Variants in ERGIC3 observed in about 807,000 individuals in gnomAD.
ERGIC3 encodes the protein ERGIC and golgi 3.
Under a neutral mutation model 54.7 loss-of-function variants are expected in ERGIC3, and 33 were observed. The ratio of observed to expected loss-of-function variants is 0.60; its 90% CI spans 0.46 to 0.81. ERGIC3 has a LOEUF of 0.81. Among genes scored for constraint, ERGIC3 ranks in the 30% least tolerant of loss-of-function variants. ERGIC3 has a pLI of 0.00. For missense variants in ERGIC3, 399 were observed against 488.4 expected, an observed-to-expected ratio of 0.82 and a Z score of 1.73; for synonymous variants, 186 against 189.8, an observed-to-expected ratio of 0.98 and a Z score of 0.16.
At chr20:35,542,300 G>C (rs1157380385) in intron 1 of ERGIC3, 23 bp from the exon 2 acceptor site, 2 of 1,613,890 alleles carry the variant, frequency 1.2e-6, no homozygotes, top group African/African-American at 2.7e-5. Flanking sequence ...AGGCCATTCT[G>C]ACCCTCGCCC....
At chr20:35,556,892 G>A (rs1241409430) in intron 10 of ERGIC3, 81 bp from the exon 11 acceptor site, 1 of 1,588,930 alleles carries the variant, frequency 6.3e-7, no homozygotes. Flanking sequence ...ACAGGAAAGG[G>A]GAAGGAGCAG....
chr20:35,553,974 C>G (rs2064697545), intron 7 of ERGIC3, among the ~76,000 whole-genome samples: 1 of 152,176 alleles, frequency 6.6e-6, no homozygotes, highest in Non-Finnish European at 1.5e-5. Context: ...TTTCTAACAT[C>G]CTTGTTGATT....
intron 7 of ERGIC3, 106 bp downstream of exon 7, chr20:35,548,971 G>A: frequency 7.5e-7 from 1 of 1,324,676 alleles, no homozygotes; most frequent in South Asian, 1.2e-5. Context: ...GCAACCATTT[G>A]GCCAGAGCAG....
chr20:35,553,028 T>TTTTTTTTTTG (rs2064690121), intron 7 of ERGIC3, among the ~76,000 whole-genome samples: 1 of 109,816 alleles, frequency 9.1e-6, no homozygotes, highest in Non-Finnish European at 1.8e-5. Flanking sequence ...GGATTTTTTT[T>TTTTTTTTTTG]TTTTTTTTTT....
At chr20:35,554,048 C>A (rs1450460669) in intron 7 of ERGIC3, among the ~76,000 whole-genome samples, 1 of 152,156 alleles carries the variant, frequency 6.6e-6, no homozygotes, top group Non-Finnish European at 1.5e-5. Flanking sequence ...CATCTTAGAT[C>A]CCACGTGATC....
At chr20:35,554,910 C>T in intron 7 of ERGIC3, 134 bp from the exon 8 acceptor site, 2 of 1,081,106 alleles carry the variant, frequency 1.8e-6, no homozygotes, top group Non-Finnish European at 2.9e-6. Flanking sequence ...TAAGCAGGAC[C>T]AGGAGGTGCC....
chr20:35,557,217 G>C lies in ERGIC3; in HGVS notation c.1040G>C (p.Gly347Ala). 1 of 1,614,192 alleles carries C rather than the reference G, an allele frequency of 6.2e-7. No individual in the cohort carries two copies. Among genetic ancestry groups the C allele is most frequent in the Non-Finnish European group, 8.5e-7 (1 of 1,180,032 alleles). ...KHRSFTHFLT[G>A]VCAIIGGMFT... ...AGGTCCTTCACCCACTTCCTGACAG[G>C]TGTGTGCGCCATCATTGGGGGCATG... The change falls in exon 12 of 13, where the codon GGT becomes GCT. Residue 347 changes from glycine to alanine, a missense_variant. Gly to Ala is a moderately conservative substitution (Grantham distance 60, BLOSUM62 0). Transcript: ENST00000348547.
chr20:35,556,039 A>G lies in ERGIC3; in HGVS notation c.724A>G (p.Met242Val), dbSNP rs764180647. 3.1e-6 allele frequency: 5 copies of G among 1,613,930 alleles called. No individual in the cohort carries two copies. In the South Asian group the frequency reaches 4.4e-5, roughly 14 times the overall value. ...LQSFGLDNIN[M>V]THYIQHLSFG... ...TGGATGGTGTTGTTTACAGATCAACATGACCCACTACATCCAGCACCTGTC... is the reference window on the plus strand; with the variant it reads ...TGGATGGTGTTGTTTACAGATCAACGTGACCCACTACATCCAGCACCTGTC... The change falls in exon 9 of 13, where the codon ATG becomes GTG. Residue 242 changes from methionine (M) to valine (V), a missense_variant. Transcript: ENST00000348547.
chr20:35,554,031 A>G (rs902684706), intron 7 of ERGIC3, among the ~76,000 whole-genome samples: 1 of 152,210 alleles, frequency 6.6e-6, no homozygotes, highest in African/African-American at 2.4e-5. Context: ...GTTTACAAGT[A>G]TTTTTCCATC....
chr20:35,553,581 G>A (rs984049387), intron 7 of ERGIC3, among the ~76,000 whole-genome samples: 1 of 151,672 alleles, frequency 6.6e-6, no homozygotes, highest in Non-Finnish European at 1.5e-5. Context: ...CAAAATGGTT[G>A]AAGTGAACAG....
intron 4 of ERGIC3, 191 bp downstream of exon 4, chr20:35,543,132 C>T: frequency 1.6e-6 from 1 of 636,738 alleles, no homozygotes; most frequent in Non-Finnish European, 2.6e-6. Context: ...CATATCGAGT[C>T]AGGTAATCTA....
chr20:35,556,330 GCATTTCGTTCCGT>G (rs1197975641), intron 10 of ERGIC3, 59 bp downstream of exon 10: 2 of 1,578,036 alleles, frequency 1.3e-6, no homozygotes, highest in Non-Finnish European at 1.7e-6. Context: ...TGGAGTTCCT[GCATTTCGTTCCGT>G]CAGCCTGGGG....
intron 9 of ERGIC3, 23 bp from the exon 10 acceptor site, chr20:35,556,184 C>G: frequency 6.2e-7 from 1 of 1,614,148 alleles, no homozygotes; most frequent in Non-Finnish European, 8.5e-7. Flanking sequence ...GCACCCATAC[C>G]CAGTGCTTTG....
Position 35,556,063 on chromosome 20 carries a change from T to C in ERGIC3, c.748T>C (p.Ser250Pro), listed in dbSNP as rs1418042860. 1 of 1,613,982 alleles carries C rather than the reference T, an allele frequency of 6.2e-7. No homozygotes were observed. The highest frequency in any genetic ancestry group is 8.5e-7 in the Non-Finnish European group (1 of 1,180,026). The change falls in exon 9 of 13, where the codon TCA (serine) becomes CCA (proline). Residue 250 changes from serine (S) to proline (P), a missense_variant. By Grantham distance (74) the Ser-to-Pro change is moderately conservative. Transcript: ENST00000348547. ...CATGACCCACTACATCCAGCACCTG[T>C]CATTTGGGGAGGACTATCCAGGCAT... is the stretch of plus-strand genomic sequence containing the variant. ...INMTHYIQHL[S>P]FGEDYPGIVN...
rs1295281446 is a variant in ERGIC3 at position 35,551,950 on chromosome 20, C to T, written c.685+3085C>T. Among the ~76,000 whole-genome samples the T allele has an allele frequency of 2.6e-5, 4 of 152,046 alleles. No individual in the cohort carries two copies. The East Asian group carries it at 5.8e-4, about 22-fold the overall frequency. On this transcript the variant is annotated intron_variant, in intron 7 of 12. Transcript: ENST00000348547. ...CTGAAGCTAGAGGGAAATGTGGAGT[C>T]GAGGGAGGCTTTTCTAAGGAGGGTG...
At chr20:35,552,204 C>T (rs905208178) in intron 7 of ERGIC3, among the ~76,000 whole-genome samples, 2 of 152,150 alleles carry the variant, frequency 1.3e-5, no homozygotes, top group African/African-American at 4.8e-5. Flanking sequence ...AGAGTCTCTT[C>T]TGAGTCTTCC....
chr20:35,542,559 A>G lies in ERGIC3; in HGVS notation c.206A>G (p.Lys69Arg), dbSNP rs1247651297. ...GACAAGTCGCGGGGAGATAAACTGA[A>G]GATCAACATCGATGTACTTTTTCCG... ...YVDKSRGDKL[K>R]INIDVLFPHM... Residue 69 changes from lysine (K) to arginine (R), a missense_variant, in exon 3 of 13, where the codon AAG becomes AGG. By Grantham distance (26) the Lys-to-Arg change is conservative (BLOSUM62 2). Transcript: ENST00000348547. The G allele has an allele frequency of 1.2e-6, 2 of 1,613,950 alleles. No individual in the cohort carries two copies. The highest frequency in any genetic ancestry group is 1.7e-6 in the Non-Finnish European group (2 of 1,180,008).
At chr20:35,543,126 T>C (rs2064626941) in intron 4 of ERGIC3, 185 bp downstream of exon 4, 3 of 672,000 alleles carry the variant, frequency 4.5e-6, no homozygotes, top group Non-Finnish European at 7.3e-6. Context: ...TCTATACATA[T>C]CGAGTCAGGT....
chr20:35,548,674 G>A lies in ERGIC3; in HGVS notation c.627G>A (p.Lys209=). 6.2e-7 allele frequency: 1 copy of A among 1,614,232 alleles called. No homozygotes were observed. Among genetic ancestry groups the A allele is most frequent in the South Asian group, 1.1e-5 (1 of 91,084 alleles). ...TGTATGGCTTCTTGGAAGTCAATAAGGTATCAGGAGGGATCAAGACAAGAT... is the reference window on the plus strand; with the variant it reads ...TGTATGGCTTCTTGGAAGTCAATAAAGTATCAGGAGGGATCAAGACAAGAT... ...CQVYGFLEVN[K]VAGNFHFAPG... is the part of the protein sequence containing the mutation. Residue 209 remains lysine, a splice_region_variant and synonymous_variant, in exon 6 of 13, where the codon AAG becomes AAA. Transcript: ENST00000348547.
Sources: gnomAD v4.1 joint callset for allele counts (sites outside exome capture counted in the v4.1 genomes callset) on GRCh38, gnomAD v4.1.1 for gene constraint, MANE v1.5 for transcripts, NCBI Gene and HGNC (gene_info 2026-07-23, HGNC 2026-07-21) for gene names.